Variants in CDH18 observed in about 807,000 individuals in gnomAD.
CDH18 encodes the protein cadherin-18.
CDH18 carries 31 observed loss-of-function variants against 67.9 expected under a neutral mutation model. That is an observed-to-expected ratio of 0.46 (90% CI 0.34 to 0.62). CDH18 has a LOEUF of 0.62. Among genes scored for constraint, CDH18 ranks in the 20% least tolerant of loss-of-function variants. CDH18 has a pLI of 0.01. For missense variants in CDH18, 890 were observed against 975.5 expected (o/e 0.91, Z 1.17); for synonymous variants, 362 against 347.2 (o/e 1.04, Z -0.48).
intron 2 of CDH18, among the ~76,000 whole-genome samples, chr5:20,206,743 C>T (rs193033706): frequency 6.6e-6 from 1 of 151,700 alleles, no homozygotes; most frequent in African/African-American, 2.4e-5. Context: ...GAACAATGAA[C>T]AAAAGCCATA....
intron 1 of CDH18, among the ~76,000 whole-genome samples, chr5:20,339,570 G>C (rs967679022): frequency 1.3e-5 from 2 of 151,942 alleles, no homozygotes. Flanking sequence ...AGGTTCCCCT[G>C]GTCCATCCTG....
chr5:19,597,120 G>A (rs951142168), intron 6 of CDH18, among the ~76,000 whole-genome samples: 4 of 152,160 alleles, frequency 2.6e-5, no homozygotes, highest in Admixed American at 2.0e-4. Flanking sequence ...TCTGGGGCAA[G>A]CTATCTGTTA....
At chr5:20,134,924 T>C (rs531396552) in intron 2 of CDH18, among the ~76,000 whole-genome samples, 11 of 152,300 alleles carry the variant, frequency 7.2e-5, no homozygotes, top group Admixed American at 2.0e-4. Context: ...CGTCTCATCT[T>C]GGTGCTGTGT....
At chr5:20,111,292 G>A (rs959355345) in intron 2 of CDH18, among the ~76,000 whole-genome samples, 2 of 152,038 alleles carry the variant, frequency 1.3e-5, no homozygotes, top group African/African-American at 2.4e-5. Flanking sequence ...TAATGTATAC[G>A]CATTTTGTAT....
At position 20,514,064 on chromosome 5, in the gene CDH18, A is replaced by G. The variant is rs560555143; in HGVS notation, c.-580+61398T>C. Among the ~76,000 whole-genome samples, 8 of 152,236 alleles carry G rather than the reference A, an allele frequency of 5.3e-5. No individual in the cohort carries two copies. The East Asian group carries it at 1.5e-3, about 29-fold the overall frequency. ...TTATAAAACTTCTTTCCACACTGTA[A>G]GGTAGGTAGAAAAAACAGTATATAA... On this transcript the variant is annotated intron_variant, in intron 1 of 14. Coordinates refer to the CDH18 transcript ENST00000507958.
intron 2 of CDH18, among the ~76,000 whole-genome samples, chr5:19,880,239 AG>A (rs1311444369): frequency 3.3e-5 from 5 of 151,986 alleles, no homozygotes; most frequent in Non-Finnish European, 7.4e-5. Context: ...GTCATTCAAA[AG>A]TTACCAAAAG....
intron 3 of CDH18, among the ~76,000 whole-genome samples, chr5:19,807,305 C>T (rs1006239950): frequency 2.6e-5 from 4 of 151,768 alleles, no homozygotes; most frequent in Non-Finnish European, 4.4e-5. Context: ...AGATCCTGCA[C>T]ATAAAACTTT....
chr5:19,888,084 A>G (rs2150075474), intron 2 of CDH18, among the ~76,000 whole-genome samples: 1 of 152,152 alleles, frequency 6.6e-6, no homozygotes, highest in Non-Finnish European at 1.5e-5. Context: ...CTCTTCTGAG[A>G]TTTCTATCAC....
intron 2 of CDH18, among the ~76,000 whole-genome samples, chr5:20,178,753 T>C (rs984247243): frequency 6.6e-6 from 1 of 152,088 alleles, no homozygotes. Context: ...TCCATGTAGA[T>C]TTGAGTCATA....
At chr5:20,394,453 T>C (rs1034723970) in intron 1 of CDH18, among the ~76,000 whole-genome samples, 2 of 152,114 alleles carry the variant, frequency 1.3e-5, no homozygotes, top group Non-Finnish European at 2.9e-5. Context: ...TTAAATACTT[T>C]AAGATCTGAA....
intron 2 of CDH18, among the ~76,000 whole-genome samples, chr5:20,072,269 A>T (rs1400704968): frequency 6.6e-6 from 1 of 152,058 alleles, no homozygotes; most frequent in East Asian, 1.9e-4. Context: ...ACATTAAATG[A>T]TCCACTCCAA....
Position 19,858,536 on chromosome 5 carries a change from T to G in CDH18, c.-256-19294A>C, listed in dbSNP as rs368173852. Among the ~76,000 whole-genome samples, 13 of 152,328 alleles carry G rather than the reference T, an allele frequency of 8.5e-5. No homozygotes were observed. The South Asian group carries it at 2.7e-3, about 32-fold the overall frequency. ...CTCAGAAATTATGTTTTAGTTTTTT[T>G]CCTCATGGGTATTGTATTAGGAATC... On this transcript the variant is annotated intron_variant, in intron 2 of 12. Transcript: ENST00000382275.
At chr5:19,871,531 T>C (rs1347701833) in intron 2 of CDH18, among the ~76,000 whole-genome samples, 1 of 152,208 alleles carries the variant, frequency 6.6e-6, no homozygotes, top group East Asian at 1.9e-4. Context: ...CAAACTTTTT[T>C]AGGATGTAGC....
intron 2 of CDH18, among the ~76,000 whole-genome samples, chr5:20,179,333 AC>A (rs1284388981): frequency 1.3e-5 from 2 of 152,160 alleles, no homozygotes; most frequent in Non-Finnish European, 2.9e-5. Context: ...AACTTACCTG[AC>A]ATTAAGAATA....
chr5:19,779,166 C>A (rs954726928), intron 3 of CDH18, among the ~76,000 whole-genome samples: 4 of 152,064 alleles, frequency 2.6e-5, no homozygotes, highest in African/African-American at 9.7e-5. Context: ...GATCAATAAT[C>A]TGATCGAGGT....
intron 4 of CDH18, among the ~76,000 whole-genome samples, chr5:19,736,712 T>C (rs1406683103): frequency 1.3e-5 from 2 of 152,158 alleles, no homozygotes; most frequent in African/African-American, 2.4e-5. Flanking sequence ...TTTCTTGGTA[T>C]CTACATGGAC....
intron 2 of CDH18, among the ~76,000 whole-genome samples, chr5:20,035,251 G>T (rs990730430): frequency 6.6e-6 from 1 of 151,848 alleles, no homozygotes; most frequent in African/African-American, 2.4e-5. Context: ...GTTTTGATTG[G>T]TATATTCCAG....
intron 2 of CDH18, among the ~76,000 whole-genome samples, chr5:20,077,223 A>C (rs1561771315): frequency 6.6e-6 from 1 of 151,490 alleles, no homozygotes; most frequent in Non-Finnish European, 1.5e-5. Context: ...GAGGTAAAAG[A>C]CTCCTTTACA....
At chr5:20,458,446 T>C (rs1287643651) in intron 1 of CDH18, among the ~76,000 whole-genome samples, 4 of 152,102 alleles carry the variant, frequency 2.6e-5, no homozygotes, top group Non-Finnish European at 5.9e-5. Context: ...GGTGAGATCC[T>C]GTCTCTAGTG....
Sources: gnomAD v4.1 joint callset for allele counts (sites outside exome capture counted in the v4.1 genomes callset) on GRCh38, gnomAD v4.1.1 for gene constraint, MANE v1.5 for transcripts, NCBI Gene and HGNC (gene_info 2026-07-23, HGNC 2026-07-21) for gene names.